Variants in KLHL13 observed in about 807,000 individuals in gnomAD.
The protein encoded by KLHL13 is kelch like family member 13, also known as kelch-like protein 13.
KLHL13 carries 10 observed loss-of-function variants against 37.1 expected under a neutral mutation model. The observed-to-expected ratio is 0.27, with a 90% CI of 0.17 to 0.46. KLHL13 has a LOEUF of 0.46. Among genes scored for constraint, KLHL13 ranks in the 20% least tolerant of loss-of-function variants. The pLI, the probability that KLHL13 is intolerant of heterozygous loss-of-function variation, is 1.00. For synonymous variants in KLHL13, 163 were observed against 181.2 expected, an observed-to-expected ratio of 0.90 and a Z score of 0.81; for missense variants, 360 against 509.3, an observed-to-expected ratio of 0.71 and a Z score of 2.82.
At chrX:117,997,548 A>T (rs1032217238) in intron 1 of KLHL13, among the ~76,000 whole-genome samples, 1 of 112,424 alleles carries the variant, frequency 8.9e-6, no homozygotes, top group Admixed American at 9.4e-5. Context: ...GACATAAAAT[A>T]ATTTAAGAAT....
In KLHL13 at chrX:117,988,414, C is replaced by T. The variant is rs141463931; in HGVS notation, c.-55-42839G>A. ...TGTAAGATGGTTCAGAGCAGGATGA[C>T]TTAAGTGGTTTACAGAATTTTCTGT... On this transcript the variant is annotated intron_variant, in intron 1 of 6. Transcript: ENST00000371882. Among the ~76,000 whole-genome samples, 671 of 111,885 alleles carry T rather than the reference C, an allele frequency of 6.0e-3. 6 individuals are homozygous for T. Among genetic ancestry groups the T allele is most frequent in the African/African-American group, 0.019 (580 of 30,891 alleles).
chrX:117,952,245 T>C (rs1243392840), intron 1 of KLHL13, among the ~76,000 whole-genome samples: 3 of 110,999 alleles, frequency 2.7e-5, no homozygotes, highest in Non-Finnish European at 5.7e-5. Flanking sequence ...TCAGAAATAA[T>C]GCCGCATATC....
intron 1 of KLHL13, among the ~76,000 whole-genome samples, chrX:118,108,861 C>A (rs1223317294): frequency 9.0e-6 from 1 of 111,381 alleles, no homozygotes; most frequent in Non-Finnish European, 1.9e-5. Flanking sequence ...GACTGAAGAG[C>A]AGTGGTGTGA....
chrX:118,077,695 C>T (rs1015430324), intron 1 of KLHL13, among the ~76,000 whole-genome samples: 22 of 110,881 alleles, frequency 2.0e-4, no homozygotes, highest in African/African-American at 6.9e-4. Flanking sequence ...CACAGCCTTA[C>T]CACATAACTT....
chrX:118,004,123 G>A (rs2053955118), intron 1 of KLHL13, among the ~76,000 whole-genome samples: 1 of 111,599 alleles, frequency 9.0e-6, no homozygotes, highest in Non-Finnish European at 1.9e-5. Context: ...GTTTCTTAAT[G>A]TTACCAATTG....
intron 5 of KLHL13, among the ~76,000 whole-genome samples, chrX:117,905,043 C>A (rs1325738240): frequency 9.0e-6 from 1 of 111,127 alleles, no homozygotes; most frequent in Non-Finnish European, 1.9e-5. Context: ...AGAGATCAGC[C>A]TAAAGAAAAT....
chrX:117,961,337 A>C (rs1033029151), intron 1 of KLHL13, among the ~76,000 whole-genome samples: 11 of 112,231 alleles, frequency 9.8e-5, no homozygotes, highest in Admixed American at 5.7e-4. Flanking sequence ...AATATGGTTT[A>C]GTTACAGGAA....
At chrX:118,026,082 T>C (rs2054272197) in intron 1 of KLHL13, among the ~76,000 whole-genome samples, 1 of 111,341 alleles carries the variant, frequency 9.0e-6, no homozygotes, top group African/African-American at 3.3e-5. Context: ...ATCATGTTAT[T>C]TCTCTAATTG....
chrX:117,972,704 T>G (rs1173341865), intron 1 of KLHL13: 15 of 1,164,186 alleles, frequency 1.3e-5, no homozygotes, highest in Non-Finnish European at 1.5e-5. Flanking sequence ...GAAATCCCAC[T>G]TTAATATCCT....
chrX:118,110,593 G>T (rs1345369601), intron 1 of KLHL13, among the ~76,000 whole-genome samples: 1 of 109,496 alleles, frequency 9.1e-6, no homozygotes, highest in Non-Finnish European at 1.9e-5. Context: ...TGGTCAGGAT[G>T]GTCTCGATCT....
upstream of KLHL13, among the ~76,000 whole-genome samples, chrX:117,978,557 G>A (rs765210202): frequency 9.0e-6 from 1 of 111,159 alleles, no homozygotes; most frequent in East Asian, 2.8e-4. Context: ...TTGGGTGTCA[G>A]ATGAAAGAGG....
intron 2 of KLHL13, among the ~76,000 whole-genome samples, chrX:117,938,851 T>G: frequency 9.0e-6 from 1 of 110,824 alleles, no homozygotes. Context: ...TTTACACAGC[T>G]TTTTTTTGAG....
upstream of KLHL13, among the ~76,000 whole-genome samples, chrX:117,976,700 C>T (rs767498098): frequency 8.0e-5 from 9 of 112,076 alleles, no homozygotes; most frequent in South Asian, 3.4e-3. Context: ...CTATTATGTA[C>T]AATTGCATAA....
intron 1 of KLHL13, among the ~76,000 whole-genome samples, chrX:118,038,266 A>G (rs1288376472): frequency 8.9e-6 from 1 of 112,377 alleles, no homozygotes; most frequent in Non-Finnish European, 1.9e-5. Flanking sequence ...AGAAGCCTCA[A>G]GTGATCATCT....
Position 117,899,320 on chromosome X carries a change from G to A in KLHL13, c.1556C>T (p.Ala519Val), listed in dbSNP as rs766735204. 1.5e-5 allele frequency: 18 copies of A among 1,209,141 alleles called. No homozygotes were observed. The highest frequency in any genetic ancestry group is 1.8e-5 in the South Asian group (1 of 56,736). ...CAGACCTCTGACAGTGGTCATTGGC[G>A]CCTTCTGGATCCATTTGTCAGTATC... The change falls in exon 7 of 7, where the codon GCG becomes GTG. Residue 519 changes from alanine (A) to valine (V), a missense_variant. Physicochemically the swap from Ala to Val is moderately conservative, Grantham distance 64. This residue lies in a region of KLHL13 where 166 missense variants were observed against 284.3 expected (regional missense o/e 0.58). Coordinates refer to ENST00000262820, the Ensembl canonical transcript of KLHL13.
exon 5 of KLHL13, chrX:117,909,879 C>T (rs371548241): frequency 1.3e-5 from 16 of 1,209,994 alleles, no homozygotes; most frequent in Middle Eastern, 2.3e-4. Context: ...GCGAAGCCAA[C>T]GACAGGTAGC....
intron 1 of KLHL13, among the ~76,000 whole-genome samples, chrX:118,043,091 T>C (rs777590921): frequency 1.8e-5 from 2 of 111,426 alleles, no homozygotes; most frequent in Non-Finnish European, 3.8e-5. Context: ...AAAGGATCAT[T>C]ACTGGCTACT....
At chrX:117,915,194 C>T (rs1023701153) in intron 4 of KLHL13, among the ~76,000 whole-genome samples, 6 of 111,816 alleles carry the variant, frequency 5.4e-5, no homozygotes, top group Admixed American at 4.7e-4. Context: ...TTAATCTTTA[C>T]GGGTAAATAC....
chrX:118,003,809 C>T (rs759302563), intron 1 of KLHL13, among the ~76,000 whole-genome samples: 11 of 110,035 alleles, frequency 1.0e-4, no homozygotes, highest in Non-Finnish European at 1.9e-4. Flanking sequence ...GAAAATGTTC[C>T]TTCCCTTCCC....
Sources: gnomAD v4.1 joint callset for allele counts (sites outside exome capture counted in the v4.1 genomes callset) on GRCh38, gnomAD v4.1.1 for gene constraint, gnomAD v4.1.1 regional missense constraint, MANE v1.5 for transcripts, NCBI Gene and HGNC (gene_info 2026-07-23, HGNC 2026-07-21) for gene names.